Variants in ATAD2 observed in about 807,000 individuals in gnomAD.
ATAD2 encodes the protein ATPase family AAA domain containing 2.
A neutral mutation model predicts 168.9 loss-of-function variants in ATAD2; 62 were observed. The observed-to-expected ratio is 0.37, with a 90% confidence interval of 0.30 to 0.45. The LOEUF (loss-of-function observed/expected upper bound fraction) is 0.45. ATAD2 is among the 20% of genes least tolerant of loss of function. ATAD2 has a pLI of 1.00. For missense variants in ATAD2, 1,419 were observed against 1,667.8 expected, an observed-to-expected ratio of 0.85 and a Z score of 2.60; for synonymous variants, 613 against 571.6, an observed-to-expected ratio of 1.07 and a Z score of -1.03.
intron 1 of ATAD2, among the ~76,000 whole-genome samples, chr8:123,382,614 A>C (rs1431113336): frequency 6.6e-6 from 1 of 152,198 alleles, no homozygotes; most frequent in Non-Finnish European, 1.5e-5. Context: ...GCCCTTCTCC[A>C]TTTTAAAAAA....
intron 19 of ATAD2, among the ~76,000 whole-genome samples, chr8:123,341,330 G>A (rs766400173): frequency 6.6e-6 from 1 of 151,830 alleles, no homozygotes; most frequent in African/African-American, 2.4e-5. Flanking sequence ...ACATTTTTTC[G>A]ACCTCTCCAC....
chr8:123,374,585 C>A (rs1406719070), intron 2 of ATAD2, among the ~76,000 whole-genome samples: 3 of 152,154 alleles, frequency 2.0e-5, no homozygotes, highest in African/African-American at 7.2e-5. Flanking sequence ...AGGAAAGCAA[C>A]CTTCCAAGGG....
In ATAD2 at chr8:123,334,186, A is replaced by C; in HGVS notation, c.3334+14T>G. On this transcript the variant is annotated intron_variant, in intron 23 of 27. Transcript: ENST00000287394. ...ATATTAGGTTGGTACAAATCAACCAAATCACTTTCCTACCTCTTTTCTTTC... is the reference window on the plus strand; with the variant it reads ...ATATTAGGTTGGTACAAATCAACCACATCACTTTCCTACCTCTTTTCTTTC... The C allele has an allele frequency of 1.9e-6, 3 of 1,570,352 alleles. No homozygotes were observed. The highest frequency in any genetic ancestry group is 2.6e-6 in the Non-Finnish European group (3 of 1,165,494).
chr8:123,400,807 A>G, upstream of ATAD2: 1 of 980,300 alleles, frequency 1.0e-6, no homozygotes, highest in Non-Finnish European at 1.6e-6. The surrounding 1 kb of genome is among the most constrained non-coding windows in gnomAD (Gnocchi z 4.5). Flanking sequence ...AGAGGGCAAC[A>G]TGGCCATCAC....
chr8:123,364,963 A>C (rs1352879659), intron 8 of ATAD2, among the ~76,000 whole-genome samples: 5 of 152,200 alleles, frequency 3.3e-5, no homozygotes, highest in African/African-American at 7.2e-5. Flanking sequence ...AGGGTATCCA[A>C]ATCAGTAAAA....
upstream of ATAD2, among the ~76,000 whole-genome samples, chr8:123,396,681 T>C (rs894690486): frequency 6.6e-6 from 1 of 152,208 alleles, no homozygotes; most frequent in Non-Finnish European, 1.5e-5. Context: ...TCCGGCTCGC[T>C]GAGCTCGGCG....
chr8:123,365,653 A>G (rs530216102), intron 8 of ATAD2, among the ~76,000 whole-genome samples: 1 of 152,356 alleles, frequency 6.6e-6, no homozygotes, highest in East Asian at 1.9e-4. Context: ...AAGCAAACAG[A>G]AACATAAAGT....
intron 1 of ATAD2, among the ~76,000 whole-genome samples, chr8:123,410,047 G>A (rs1049969562): frequency 7.3e-5 from 11 of 151,408 alleles, no homozygotes; most frequent in African/African-American, 2.4e-4. Context: ...TGGATTCCCT[G>A]GATCTCCTTT....
chr8:123,340,179 C>T lies in ATAD2; in HGVS notation c.2719-733G>A, dbSNP rs148371871. On this transcript the variant is annotated intron_variant, in intron 19 of 27. Transcript: ENST00000287394. ...TGCTACAATTACACGCATATGCCAC[C>T]GTGCCTGGTCCTGATACTTAAAAGG... 4.7e-3 allele frequency among the ~76,000 whole-genome samples: 723 copies of T among 152,238 alleles called. 3 individuals are homozygous for T. The highest frequency in any genetic ancestry group is 7.2e-3 in the African/African-American group (299 of 41,546).
chr8:123,370,077 AT>A, intron 6 of ATAD2, 53 bp from the exon 7 acceptor site: 1 of 1,512,938 alleles, frequency 6.6e-7, no homozygotes, highest in Non-Finnish European at 9.0e-7. Flanking sequence ...AATGTTAACA[AT>A]TTTTAACATA....
chr8:123,404,659 C>T (rs1051969801), intron 1 of ATAD2, among the ~76,000 whole-genome samples: 5 of 151,564 alleles, frequency 3.3e-5, no homozygotes, highest in African/African-American at 4.8e-5. Context: ...CTCTGCCTCC[C>T]GGGTTCAAGT....
At chr8:123,344,167 A>C (rs75254160) in intron 19 of ATAD2, among the ~76,000 whole-genome samples, 3,540 of 152,246 alleles carry the variant, frequency 0.023, 139 homozygotes, top group African/African-American at 0.081. Context: ...TCTGGAAAAC[A>C]ACCAAAAAAC....
chr8:123,339,449 T>C lies in ATAD2; in HGVS notation c.2719-3A>G. On this transcript the variant is annotated splice_region_variant and splice_polypyrimidine_tract_variant and intron_variant, in intron 19 of 27. Transcript: ENST00000287394. ...TCACGGATAAACAATTCTTGCACCTTAAAAAAGAAAATAAATGCAATATAT... is the reference window on the plus strand; with the variant it reads ...TCACGGATAAACAATTCTTGCACCTCAAAAAAGAAAATAAATGCAATATAT... 6.4e-7 allele frequency: 1 copy of C among 1,574,338 alleles called. No homozygotes were observed. The highest frequency in any genetic ancestry group is 8.6e-7 in the Non-Finnish European group (1 of 1,159,646).
intron 1 of ATAD2, among the ~76,000 whole-genome samples, chr8:123,414,092 C>CAAA (rs57662854): frequency 9.8e-5 from 4 of 40,622 alleles, no homozygotes; most frequent in African/African-American, 2.2e-4. Context: ...ACTCTTATCT[C>CAAA]AAAAAAAAAA....
chr8:123,401,745 C>G, intron 1 of ATAD2: 1 of 746,192 alleles, frequency 1.3e-6, no homozygotes, highest in Non-Finnish European at 2.5e-6. Flanking sequence ...CTGGCTGCCA[C>G]CTCGGAGGCC....
Position 123,402,217 on chromosome 8 carries a change from A to C in ATAD2, c.-2281-1042T>G. ...CACAGATTTGCACTACGGGTTCCCC[A>C]GCTCCTTTCCAGGGAGAGAGGAGGC... On this transcript the variant is annotated intron_variant, in intron 1 of 28. Coordinates refer to the ATAD2 transcript ENST00000521903. The surrounding 1 kb of genome is among the most constrained non-coding windows in gnomAD (Gnocchi z 4.8). The C allele has an allele frequency of 1.6e-6, 1 of 610,062 alleles. No individual in the cohort carries two copies. The highest frequency in any genetic ancestry group is 2.8e-5 in the East Asian group (1 of 35,384). 37.8% of individuals were successfully genotyped at this position (610,062 alleles called of 1,614,324 possible).
rs1310869087 is a variant in ATAD2, at chr8:123,322,943, T to A, written c.4126A>T (p.Ile1376Phe). 7.4e-6 allele frequency: 12 copies of A among 1,612,650 alleles called. No homozygotes were observed. The highest frequency in any genetic ancestry group is 1.0e-5 in the Non-Finnish European group (12 of 1,179,532). The change falls in exon 27 of 28, where the codon ATT becomes TTT. Residue 1376 changes from isoleucine (I) to phenylalanine (F), a missense_variant. Around this residue, in one of 5 missense-constraint regions of ATAD2, gnomAD observed 303 missense variants for 304.3 expected, o/e 1.00. Coordinates refer to ENST00000287394, the MANE Select transcript of ATAD2 (RefSeq NM_014109.4). ...HRKDHDKTSL[I>F]QKMEQEVENF... ...GTTTCCACTCAAGAGTTTACCTGAA[T>A]AAGTGATGTTTTATCATGGTCCTTG...
intron 27 of ATAD2, among the ~76,000 whole-genome samples, chr8:123,321,501 A>G (rs913332860): frequency 3.3e-5 from 5 of 151,454 alleles, no homozygotes; most frequent in African/African-American, 9.7e-5. Context: ...TACATAGTAT[A>G]CTTTAGTAGG....
chr8:123,375,514 T>A (rs1272015084), intron 2 of ATAD2, among the ~76,000 whole-genome samples: 2 of 152,192 alleles, frequency 1.3e-5, no homozygotes, highest in African/African-American at 4.8e-5. Flanking sequence ...CACTGCCAGG[T>A]GTATACCCAA....
Sources: gnomAD v4.1 joint callset for allele counts (sites outside exome capture counted in the v4.1 genomes callset) on GRCh38, gnomAD v4.1.1 for gene constraint, gnomAD v4.1.1 regional missense constraint, Gnocchi (gnomAD v3.1) non-coding constraint, MANE v1.5 for transcripts, NCBI Gene and HGNC (gene_info 2026-07-23, HGNC 2026-07-21) for gene names.